The following ATP6V0A2 variants were observed in gnomAD, a reference collection of about 807,000 sequenced individuals.
ATP6V0A2 encodes ATPase H+ transporting V0 subunit a2, also known as V-type proton ATPase 116 kDa subunit a 2.
Under a neutral mutation model 104.4 loss-of-function variants are expected in ATP6V0A2, and 58 were observed. The observed-to-expected ratio is 0.56, with a 90% confidence interval of 0.45 to 0.69. ATP6V0A2 has a LOEUF of 0.69. Ranked by LOEUF, ATP6V0A2 falls within the 30% of genes least tolerant of loss-of-function variation. ATP6V0A2 has a pLI of 0.00. For synonymous variants in ATP6V0A2, 376 were observed against 397.9 expected, an observed-to-expected ratio of 0.95 and a Z score of 0.65; for missense variants, 938 against 1,062.9, an observed-to-expected ratio of 0.88 and a Z score of 1.63.
intron 1 of ATP6V0A2, 44 bp downstream of exon 1, chr12:123,712,726 C>T (rs769568287): frequency 4.2e-5 from 64 of 1,519,814 alleles, no homozygotes; most frequent in Non-Finnish European, 5.7e-5. Context: ...GCTCTCCTGG[C>T]GCCCCCAATC....
At chr12:123,753,710 A>G (rs1956737791) in intron 17 of ATP6V0A2, among the ~76,000 whole-genome samples, 1 of 152,282 alleles carries the variant, frequency 6.6e-6, no homozygotes, top group Non-Finnish European at 1.5e-5. Flanking sequence ...GGCTCCCCGC[A>G]AAGAACAGAG....
At chr12:123,732,019 T>C (rs1465552666) in intron 6 of ATP6V0A2, 1 of 152,244 alleles carries the variant, frequency 6.6e-6, no homozygotes, top group African/African-American at 2.4e-5. Context: ...GTCCCCAGAA[T>C]ACTAGACTTT....
In ATP6V0A2 at chr12:123,752,281, A is replaced by G; in HGVS notation, c.2056-2A>G. On this transcript the variant is annotated splice_acceptor_variant, in intron 16 of 19. Coordinates refer to ENST00000330342, the MANE Select transcript of ATP6V0A2 (RefSeq NM_012463.4). LOFTEE classifies it high-confidence loss of function. The stretch of plus-strand genomic sequence containing the variant: ...CTGACTCTGTGCTCTTTTGGTTGTT[A>G]GAGTGGCTACACACTTATAAGGAAA... 6.2e-7 allele frequency: 1 copy of G among 1,614,162 alleles called. No homozygotes were observed. The highest frequency in any genetic ancestry group is 8.5e-7 in the Non-Finnish European group (1 of 1,180,020).
intron 2 of ATP6V0A2, among the ~76,000 whole-genome samples, chr12:123,719,389 G>GT (rs111694566): frequency 0.018 from 2,465 of 139,502 alleles, 42 homozygotes; most frequent in African/African-American, 0.053. Flanking sequence ...GACAAAGCTT[G>GT]TTTTTTTTTT....
rs1956301602 is a variant in ATP6V0A2 at position 123,712,467 on chromosome 12, A to G, written c.-99A>G. On this transcript the variant is annotated 5_prime_UTR_variant, in exon 1 of 20. Coordinates refer to ENST00000330342, the MANE Select transcript of ATP6V0A2 (RefSeq NM_012463.4). ...GCGGGGCCGCGGCCAGGCCACAGGAAGAGCTCGAGGCCCGGGCCGCACCGG... is the reference window on the plus strand; with the variant it reads ...GCGGGGCCGCGGCCAGGCCACAGGAGGAGCTCGAGGCCCGGGCCGCACCGG... 5 of 703,426 alleles carry G rather than the reference A, an allele frequency of 7.1e-6. No homozygotes were observed. Among genetic ancestry groups the G allele is most frequent in the South Asian group, 6.9e-5 (3 of 43,248 alleles). The allele number at this position is 703,426 out of a possible 1,614,324, so 43.6% of individuals were successfully genotyped here. A position where few individuals can be genotyped will look rare whatever the true frequency, so the allele number is the denominator to read the frequency against.
chr12:123,740,322 A>G (rs542196127), intron 9 of ATP6V0A2, among the ~76,000 whole-genome samples: 2 of 151,836 alleles, frequency 1.3e-5, no homozygotes, highest in Admixed American at 6.6e-5. Flanking sequence ...CTCATGCCTC[A>G]GCCTCCCAAG....
chr12:123,716,810 A>G (rs1373474919), intron 1 of ATP6V0A2, among the ~76,000 whole-genome samples: 2 of 151,704 alleles, frequency 1.3e-5, no homozygotes, highest in African/African-American at 4.8e-5. Flanking sequence ...AAAAGAGTTT[A>G]TAGAGTCATG....
At chr12:123,729,580 G>GT (rs1458014561) in intron 6 of ATP6V0A2, among the ~76,000 whole-genome samples, 3 of 152,082 alleles carry the variant, frequency 2.0e-5, no homozygotes, top group Admixed American at 6.6e-5. Flanking sequence ...GAGAGACAGA[G>GT]TCATAATCAC....
At chr12:123,748,881 C>T in intron 15 of ATP6V0A2, 96 bp downstream of exon 15, 1 of 1,210,060 alleles carries the variant, frequency 8.3e-7, no homozygotes, top group South Asian at 1.2e-5. Flanking sequence ...TCCACAGGAG[C>T]CTGGGAAGGC....
At chr12:123,728,476 T>A (rs1387742669) in intron 6 of ATP6V0A2, among the ~76,000 whole-genome samples, 2 of 149,516 alleles carry the variant, frequency 1.3e-5, no homozygotes, top group African/African-American at 4.9e-5. Context: ...TCTTGAGCCA[T>A]CCTCCTGCCT....
intron 1 of ATP6V0A2, among the ~76,000 whole-genome samples, chr12:123,717,517 T>A (rs1017297771): frequency 6.6e-6 from 1 of 151,108 alleles, no homozygotes; most frequent in Non-Finnish European, 1.5e-5. Flanking sequence ...TGATCACTGC[T>A]CACTGCAATC....
rs560829441 is a variant in ATP6V0A2 at position 123,727,203 on chromosome 12, A to T, written c.522-580A>T. On this transcript the variant is annotated intron_variant, in intron 5 of 19. Transcript: ENST00000330342. ...GGCTCCTGCATCCCATGCTGGCCTT[A>T]AACTCAAGTTCTTAAGATACGGGGT... Among the ~76,000 whole-genome samples the T allele has an allele frequency of 1.6e-4, 24 of 152,240 alleles. No homozygotes were observed. The South Asian group carries it at 4.6e-3, about 29-fold the overall frequency.
Position 123,737,199 on chromosome 12 carries a change from G to T in ATP6V0A2, c.966G>T (p.Lys322Asn). The change falls in exon 9 of 20, where the codon AAG (lysine) becomes AAT (asparagine). Residue 322 changes from lysine to asparagine, a missense_variant. Transcript: ENST00000330342. The part of the protein sequence containing the change: ...LNMCSFDVTN[K>N]CLIAEVWCPE... ...TGTGCAGCTTTGACGTGACCAACAA[G>T]TGCCTCATTGCTGAGGTCTGGTGTC... The T allele has an allele frequency of 1.2e-6, 2 of 1,614,158 alleles. No individual in the cohort carries two copies. Among genetic ancestry groups the T allele is most frequent in the Non-Finnish European group, 1.7e-6 (2 of 1,180,032 alleles).
chr12:123,753,567 A>C (rs992856711), intron 17 of ATP6V0A2, among the ~76,000 whole-genome samples: 11 of 152,198 alleles, frequency 7.2e-5, no homozygotes, highest in African/African-American at 2.7e-4. Context: ...GACCTCACTC[A>C]ACCTTGATTA....
At position 123,744,520 on chromosome 12, in the gene ATP6V0A2, G is replaced by C; in HGVS notation, c.1327-77G>C. On this transcript the variant is annotated intron_variant, in intron 11 of 19. Coordinates refer to ENST00000330342, the MANE Select transcript of ATP6V0A2 (RefSeq NM_012463.4). The surrounding 1 kb of genome is among the most constrained non-coding windows in gnomAD (Gnocchi z 5.4). Reference sequence around the variant, plus strand: ...CTGTTTTCTGAGAAGTGAGTGGTGAGGGTCGTGCCCACACCGACAGCTGTC... The same window carrying C: ...CTGTTTTCTGAGAAGTGAGTGGTGACGGTCGTGCCCACACCGACAGCTGTC... The C allele has an allele frequency of 6.3e-7, 1 of 1,593,792 alleles. No individual in the cohort carries two copies. The highest frequency in any genetic ancestry group is 1.1e-5 in the South Asian group (1 of 90,472).
At chr12:123,757,795 T>C (rs1157847958) in intron 19 of ATP6V0A2, 132 bp from the exon 20 acceptor site, 6 of 665,580 alleles carry the variant, frequency 9.0e-6, no homozygotes, top group Non-Finnish European at 1.5e-5. Context: ...TAAGTAAAAA[T>C]ATATGTGCCA....
At chr12:123,739,531 C>G (rs1273895702) in intron 9 of ATP6V0A2, among the ~76,000 whole-genome samples, 1 of 152,162 alleles carries the variant, frequency 6.6e-6, no homozygotes, top group Non-Finnish European at 1.5e-5. Flanking sequence ...GTCTCACATG[C>G]AGAACTCCTA....
chr12:123,716,208 A>G (rs1049138167), intron 1 of ATP6V0A2, among the ~76,000 whole-genome samples: 2 of 151,922 alleles, frequency 1.3e-5, no homozygotes, highest in Middle Eastern at 3.2e-3. Flanking sequence ...CTGAGATCAC[A>G]GGCGCGCGCC....
rs1366186121 is a variant in ATP6V0A2 at position 123,756,981 on chromosome 12, C to G, written c.2460C>G (p.Leu820=). Residue 820 remains leucine, a synonymous_variant, in exon 19 of 20, where the codon CTC becomes CTG. Coordinates refer to ENST00000330342, the MANE Select transcript of ATP6V0A2 (RefSeq NM_012463.4). ...GLSAFLHAIR[L]HWVEFQNKFY... ...CTGCGTTTCTTCACGCCATACGCCT[C>G]CACTGGTGAGTTTGAAACCTAGCCT... 1.9e-6 allele frequency: 3 copies of G among 1,614,208 alleles called. No individual in the cohort carries two copies. The East Asian group carries it at 6.7e-5, about 36-fold the overall frequency.
Sources: allele counts gnomAD v4.1 joint callset (sites outside exome capture counted in the v4.1 genomes callset), GRCh38; gene constraint gnomAD v4.1.1; non-coding constraint Gnocchi (gnomAD v3.1); transcripts MANE v1.5; gene names NCBI Gene and HGNC (gene_info 2026-07-23, HGNC 2026-07-21).